CRYBG1: variants seen among roughly 807,000 people sequenced by gnomAD.
CRYBG1 encodes beta/gamma crystallin domain-containing protein 1.
CRYBG1 carries 139 observed loss-of-function variants against 189.2 expected under a neutral mutation model. The observed-to-expected ratio is 0.73, with a 90% confidence interval of 0.64 to 0.85. CRYBG1 has a LOEUF of 0.85. CRYBG1 is among the 40% of genes least tolerant of loss of function. The pLI is 0.00. For missense variants in CRYBG1, 2,611 were observed against 2,675.8 expected (o/e 0.98, Z 0.53); for synonymous variants, 1,023 against 1,017.1 (o/e 1.01, Z -0.11).
intron 1 of CRYBG1, among the ~76,000 whole-genome samples, chr6:106,391,204 T>C (rs889324287): frequency 6.6e-6 from 1 of 152,098 alleles, no homozygotes; most frequent in Non-Finnish European, 1.5e-5. Flanking sequence ...TGGCTCAGCC[T>C]CCCAAGTAGC....
chr6:106,425,180 C>G (rs1441132789), intron 1 of CRYBG1, among the ~76,000 whole-genome samples: 1 of 152,166 alleles, frequency 6.6e-6, no homozygotes, highest in Non-Finnish European at 1.5e-5. Flanking sequence ...TACATGCCAT[C>G]TTTGCTACAT....
At chr6:106,440,189 A>T (rs532249921) in intron 1 of CRYBG1, among the ~76,000 whole-genome samples, 112 of 150,456 alleles carry the variant, frequency 7.4e-4, no homozygotes, top group African/African-American at 2.6e-3. Flanking sequence ...CACATATAGA[A>T]TTTTCCTTCC....
At chr6:106,419,103 C>T (rs543865743) in intron 1 of CRYBG1, among the ~76,000 whole-genome samples, 7 of 152,302 alleles carry the variant, frequency 4.6e-5, no homozygotes, top group South Asian at 2.1e-4. Flanking sequence ...AAGATGGAGC[C>T]GCCATGTTGA....
intron 1 of CRYBG1, among the ~76,000 whole-genome samples, chr6:106,434,255 T>C (rs1002735723): frequency 6.6e-6 from 1 of 152,110 alleles, no homozygotes; most frequent in African/African-American, 2.4e-5. Flanking sequence ...AAGTGAGGTA[T>C]CACCACTTCT....
chr6:106,560,970 AT>A, intron 19 of CRYBG1, 44 bp downstream of exon 19: 2 of 1,514,814 alleles, frequency 1.3e-6, no homozygotes, highest in Non-Finnish European at 1.8e-6. Context: ...CTTCTCTGAA[AT>A]TTTTTTGTAA....
chr6:106,476,249 C>T (rs1165477412), intron 2 of CRYBG1, among the ~76,000 whole-genome samples: 1 of 152,126 alleles, frequency 6.6e-6, no homozygotes, highest in Non-Finnish European at 1.5e-5. Flanking sequence ...ATGAAGATGT[C>T]ACACGGGTGG....
chr6:106,493,221 A>G (rs1772764806), intron 2 of CRYBG1, among the ~76,000 whole-genome samples: 1 of 152,214 alleles, frequency 6.6e-6, no homozygotes, highest in Admixed American at 6.5e-5. Context: ...CTCCAAAGAT[A>G]AATAAATGGC....
chr6:106,537,361 A>G (rs183285104), intron 8 of CRYBG1, among the ~76,000 whole-genome samples: 141 of 152,298 alleles, frequency 9.3e-4, no homozygotes, highest in Non-Finnish European at 1.7e-3. Flanking sequence ...GCCTAATACC[A>G]TAATGTGTTA....
At chr6:106,496,282 C>T (rs912990636) in intron 2 of CRYBG1, among the ~76,000 whole-genome samples, 1 of 152,208 alleles carries the variant, frequency 6.6e-6, no homozygotes, top group African/African-American at 2.4e-5. Flanking sequence ...GTCATAGAGG[C>T]ATAAGTATAA....
At chr6:106,368,935 T>C (rs575617005) in intron 1 of CRYBG1, among the ~76,000 whole-genome samples, 20 of 152,334 alleles carry the variant, frequency 1.3e-4, no homozygotes, top group African/African-American at 4.8e-4. Flanking sequence ...GGAACCATAT[T>C]TGTAACAACA....
intron 2 of CRYBG1, among the ~76,000 whole-genome samples, chr6:106,473,452 C>T (rs764723219): frequency 7.9e-5 from 12 of 152,170 alleles, no homozygotes; most frequent in Non-Finnish European, 1.3e-4. Context: ...TTGGTCTATA[C>T]AGTGGTTAGT....
chr6:106,564,349 C>A (rs1311873708), intron 21 of CRYBG1, among the ~76,000 whole-genome samples: 1 of 152,158 alleles, frequency 6.6e-6, no homozygotes, highest in Non-Finnish European at 1.5e-5. Flanking sequence ...GCACTTAGTT[C>A]GGTAGAGTTG....
intron 15 of CRYBG1, among the ~76,000 whole-genome samples, chr6:106,553,206 A>G (rs1774449477): frequency 6.6e-6 from 1 of 152,248 alleles, no homozygotes; most frequent in Non-Finnish European, 1.5e-5. Context: ...GGTGTTCTAT[A>G]GAAAGTTACC....
At chr6:106,553,011 ACAC>A (rs545731126) in intron 15 of CRYBG1, among the ~76,000 whole-genome samples, 50 of 152,344 alleles carry the variant, frequency 3.3e-4, no homozygotes, top group African/African-American at 1.2e-3. Context: ...AGAGGAACAA[ACAC>A]CACTATAGCC....
chr6:106,376,534 G>A (rs1770166780), intron 1 of CRYBG1, among the ~76,000 whole-genome samples: 1 of 152,038 alleles, frequency 6.6e-6, no homozygotes, highest in African/African-American at 2.4e-5. Context: ...GTTAGGTAAT[G>A]GTTTTGTTAC....
chr6:106,534,560 G>A (rs1006125239), intron 8 of CRYBG1, among the ~76,000 whole-genome samples: 1 of 152,118 alleles, frequency 6.6e-6, no homozygotes, highest in Admixed American at 6.5e-5. Flanking sequence ...GCTGTAGAGG[G>A]AACTCCTTAA....
At chr6:106,431,557 T>G (rs1771327024) in intron 1 of CRYBG1, among the ~76,000 whole-genome samples, 1 of 152,176 alleles carries the variant, frequency 6.6e-6, no homozygotes, top group Non-Finnish European at 1.5e-5. Flanking sequence ...ACTTGCTTGT[T>G]CCAGTTAAAC....
At chr6:106,447,332 G>A (rs916461643) in intron 1 of CRYBG1, among the ~76,000 whole-genome samples, 2 of 151,976 alleles carry the variant, frequency 1.3e-5, no homozygotes, top group African/African-American at 4.8e-5. Flanking sequence ...AACCCTTTGG[G>A]TACAAAAATA....
chr6:106,543,679 A>C, intron 11 of CRYBG1, 82 bp downstream of exon 11: 1 of 1,407,000 alleles, frequency 7.1e-7, no homozygotes, highest in Non-Finnish European at 9.8e-7. Flanking sequence ...CCCTAAAAAC[A>C]ACATTCCTGA....
Sources: gnomAD v4.1 joint callset for allele counts (sites outside exome capture counted in the v4.1 genomes callset) on GRCh38, gnomAD v4.1.1 for gene constraint, MANE v1.5 for transcripts, NCBI Gene and HGNC (gene_info 2026-07-23, HGNC 2026-07-21) for gene names.